The following PCDHA5 variants were observed in gnomAD, a reference collection of about 807,000 sequenced individuals.
The protein encoded by PCDHA5 is protocadherin alpha 5.
Under a neutral mutation model 61.6 loss-of-function variants are expected in PCDHA5, and 43 were observed. That is an observed-to-expected ratio of 0.70 (90% CI 0.55 to 0.90). The LOEUF (loss-of-function observed/expected upper bound fraction) is 0.90. Among genes scored for constraint, PCDHA5 ranks in the 40% least tolerant of loss-of-function variants. PCDHA5 has a pLI of 0.00. For synonymous variants in PCDHA5, 627 were observed against 543.9 expected (o/e 1.15, Z -2.13); for missense variants, 1,298 against 1,222.7 (o/e 1.06, Z -0.92).
Position 140,850,690 on chromosome 5 carries a change from G to T in PCDHA5, c.2352+26563G>T, listed in dbSNP as rs2150494322. On this transcript the variant is annotated intron_variant, in intron 1 of 3. Transcript: ENST00000529859. ...TCGGCGATGCCCACCGAGGGCGAGT[G>T]CGCGCCTGGCAAGCCGACGCTGGTG... 3.1e-6 allele frequency: 5 copies of T among 1,598,402 alleles called. 1 individual carries two copies. In the South Asian group the frequency reaches 5.5e-5, roughly 18 times the overall value.
chr5:140,969,998 G>A (rs1345371434), intron 1 of PCDHA5, among the ~76,000 whole-genome samples: 2 of 152,220 alleles, frequency 1.3e-5, no homozygotes, highest in Non-Finnish European at 2.9e-5. Flanking sequence ...GGCTGTCAGA[G>A]GGAGTGGATG....
chr5:140,851,536 A>C (rs1051991921), intron 1 of PCDHA5: 1 of 906,438 alleles, frequency 1.1e-6, no homozygotes, highest in African/African-American at 1.8e-5. Context: ...GACAATGTAG[A>C]TAATTCAAGA....
At position 140,827,335 on chromosome 5, in the gene PCDHA5, G is replaced by A. The variant is rs2150147144; in HGVS notation, c.2352+3208G>A. 1.1e-3 allele frequency among the ~76,000 whole-genome samples: 167 copies of A among 152,286 alleles called. 1 individual carries two copies. Among genetic ancestry groups the A allele is most frequent in the African/African-American group, 3.8e-3 (159 of 41,558 alleles). Reference sequence around the variant, plus strand: ...AAATTCCACTAGAATTTGAAGTGGTGAAGTATATGAAAAGAAAATATTTTA... The same window carrying A: ...AAATTCCACTAGAATTTGAAGTGGTAAAGTATATGAAAAGAAAATATTTTA... On this transcript the variant is annotated intron_variant, in intron 1 of 3. Coordinates refer to ENST00000529859, the MANE Select transcript of PCDHA5 (RefSeq NM_018908.3).
intron 1 of PCDHA5, among the ~76,000 whole-genome samples, chr5:140,941,551 G>A (rs1247023682): frequency 4.0e-5 from 6 of 151,616 alleles, no homozygotes; most frequent in Non-Finnish European, 8.8e-5. Flanking sequence ...TCCTGACCTC[G>A]TGATCCATTC....
In PCDHA5 at chr5:140,822,529, G is replaced by A. The variant is rs2150117025; in HGVS notation, c.754G>A (p.Glu252Lys). The change falls in exon 1 of 4, where the codon GAA becomes AAA. Residue 252 changes from glutamate to lysine, a missense_variant. Coordinates refer to ENST00000529859, the MANE Select transcript of PCDHA5 (RefSeq NM_018908.3). The part of the protein sequence containing the change: ...DKSIYNVRLL[E>K]NAPSGTLVIK... ...ATCCATTTATAATGTCAGATTGTTGGAAAATGCACCAAGTGGGACATTAGT... is the reference window on the plus strand; with the variant it reads ...ATCCATTTATAATGTCAGATTGTTGAAAAATGCACCAAGTGGGACATTAGT... The A allele has an allele frequency of 3.7e-6, 6 of 1,613,816 alleles. No homozygotes were observed. In the East Asian group the frequency reaches 6.7e-5, roughly 18 times the overall value.
intron 1 of PCDHA5, among the ~76,000 whole-genome samples, chr5:140,931,204 A>G (rs782790968): frequency 7.2e-5 from 11 of 152,176 alleles, no homozygotes; most frequent in Non-Finnish European, 1.5e-4. Context: ...CAATGCTAGT[A>G]TTTCAGGTAT....
chr5:140,925,441 T>G (rs1458646143), intron 1 of PCDHA5, among the ~76,000 whole-genome samples: 1 of 152,136 alleles, frequency 6.6e-6, no homozygotes, highest in African/African-American at 2.4e-5. Context: ...TTAGGCAGAA[T>G]TTGGGTGTAT....
intron 1 of PCDHA5, chr5:140,851,385 AGTATCTATTATTTT>A: frequency 4.1e-6 from 4 of 975,218 alleles, no homozygotes; most frequent in Non-Finnish European, 5.0e-6. Flanking sequence ...AGCAACCTTC[AGTATCTATTATTTT>A]AATAAGAAAG....
At chr5:140,902,176 C>T (rs1488205989) in intron 1 of PCDHA5, among the ~76,000 whole-genome samples, 1 of 146,420 alleles carries the variant, frequency 6.8e-6, no homozygotes, top group Non-Finnish European at 1.5e-5. Context: ...TTTGGATGTC[C>T]TTTATGTCTT....
intron 1 of PCDHA5, among the ~76,000 whole-genome samples, chr5:140,844,310 T>G (rs1779318452): frequency 6.7e-6 from 1 of 149,666 alleles, no homozygotes. Context: ...TTTCATATTC[T>G]TCCTAATTTT....
intron 1 of PCDHA5, among the ~76,000 whole-genome samples, chr5:140,977,970 A>G (rs531494024): frequency 2.0e-5 from 3 of 152,332 alleles, no homozygotes; most frequent in South Asian, 4.1e-4. Context: ...ATCTCCGCCC[A>G]TGAAAACGCA....
Position 140,850,105 on chromosome 5 carries a change from C to T in PCDHA5, c.2352+25978C>T, listed in dbSNP as rs1554143759. 1.9e-6 allele frequency: 3 copies of T among 1,596,238 alleles called. No homozygotes were observed. In the East Asian group the frequency reaches 6.7e-5, roughly 36 times the overall value. ...GAGCTGCTACAGTTCCAGGTGAGCG[C>T]GCGCGACGCGGGCGTGCCGCCTCTG... On this transcript the variant is annotated intron_variant, in intron 1 of 3. Coordinates refer to ENST00000529859, the MANE Select transcript of PCDHA5 (RefSeq NM_018908.3).
At chr5:140,989,329 C>A (rs1554250749) in intron 3 of PCDHA5, among the ~76,000 whole-genome samples, 2 of 152,120 alleles carry the variant, frequency 1.3e-5, no homozygotes, top group African/African-American at 4.8e-5. Context: ...AACTTTGCCA[C>A]CTGACTCAGC....
intron 1 of PCDHA5, among the ~76,000 whole-genome samples, chr5:140,972,527 C>A (rs1173109086): frequency 6.6e-6 from 1 of 152,092 alleles, no homozygotes; most frequent in Non-Finnish European, 1.5e-5. Flanking sequence ...GAGCTTATTT[C>A]ATAAATCACT....
chr5:140,999,139 C>T lies in PCDHA5; in HGVS notation c.2501-10488C>T, dbSNP rs185453971. 2.6e-3 allele frequency among the ~76,000 whole-genome samples: 401 copies of T among 152,236 alleles called. 3 individuals carry two copies. The highest frequency in any genetic ancestry group is 5.8e-3 in the South Asian group (28 of 4,818). On this transcript the variant is annotated intron_variant, in intron 3 of 3. Coordinates refer to ENST00000529859, the MANE Select transcript of PCDHA5 (RefSeq NM_018908.3). ...TTTCTAAGCTGGAAAATGTCACAGCCGGAAGTCTTCAGTCCCCTAGAAGGA... is the reference window on the plus strand; with the variant it reads ...TTTCTAAGCTGGAAAATGTCACAGCTGGAAGTCTTCAGTCCCCTAGAAGGA...
intron 3 of PCDHA5, among the ~76,000 whole-genome samples, chr5:141,008,057 C>T (rs1472919496): frequency 3.9e-5 from 6 of 152,020 alleles, no homozygotes; most frequent in African/African-American, 1.2e-4. Context: ...GGGGTCCAGT[C>T]CATCTAAGAA....
At chr5:140,962,312 A>G (rs2095671896) in intron 1 of PCDHA5, among the ~76,000 whole-genome samples, 1 of 152,204 alleles carries the variant, frequency 6.6e-6, no homozygotes, top group African/African-American at 2.4e-5. Context: ...TTGTTAGGCC[A>G]TCTCAATTGA....
intron 3 of PCDHA5, among the ~76,000 whole-genome samples, chr5:140,994,140 A>G (rs768317904): frequency 7.2e-5 from 11 of 152,230 alleles, no homozygotes; most frequent in Non-Finnish European, 1.5e-4. Context: ...ATAATGCCCT[A>G]CGTAGGTAGG....
chr5:140,850,566 G>GTGAC (rs1554144512), intron 1 of PCDHA5: 1 of 1,598,448 alleles, frequency 6.3e-7, no homozygotes, highest in Admixed American at 1.7e-5. Flanking sequence ...GGGCCCCGAG[G>GTGAC]TGACGCTGGT....
Sources: allele counts gnomAD v4.1 joint callset (sites outside exome capture counted in the v4.1 genomes callset), GRCh38; gene constraint gnomAD v4.1.1; transcripts MANE v1.5; gene names NCBI Gene and HGNC (gene_info 2026-07-23, HGNC 2026-07-21).